SLC16A10: variants seen among roughly 807,000 people sequenced by gnomAD.
The protein encoded by SLC16A10 is solute carrier family 16 member 10.
SLC16A10 carries 27 observed loss-of-function variants against 40.0 expected under a neutral mutation model. That is an observed-to-expected ratio of 0.67 (90% CI 0.50 to 0.93). SLC16A10 has a LOEUF of 0.93. Among genes scored for constraint, SLC16A10 ranks in the 40% least tolerant of loss-of-function variants. SLC16A10 has a pLI of 0.00. For missense variants in SLC16A10, 529 were observed against 658.2 expected (o/e 0.80, Z 2.15); for synonymous variants, 213 against 249.8 (o/e 0.85, Z 1.39).
At chr6:111,137,783 A>C (rs901018426) in intron 1 of SLC16A10, among the ~76,000 whole-genome samples, 1 of 152,206 alleles carries the variant, frequency 6.6e-6, no homozygotes, top group Non-Finnish European at 1.5e-5. Flanking sequence ...TAGGCCGACT[A>C]AGAATCCCTA....
intron 3 of SLC16A10, among the ~76,000 whole-genome samples, chr6:111,199,433 T>C (rs1773131537): frequency 6.7e-6 from 1 of 149,068 alleles, no homozygotes; most frequent in African/African-American, 2.5e-5. Context: ...CATTCCAGCC[T>C]GGGTGACAAG....
intron 1 of SLC16A10, among the ~76,000 whole-genome samples, chr6:111,156,928 T>C (rs9400470): frequency 0.49 from 74,120 of 152,058 alleles, 18,977 homozygotes; most frequent in East Asian, 0.69. Context: ...TTTTATTTTA[T>C]TTTATTTTGA....
At chr6:111,139,002 C>T (rs887901610) in intron 1 of SLC16A10, among the ~76,000 whole-genome samples, 7 of 151,950 alleles carry the variant, frequency 4.6e-5, no homozygotes, top group African/African-American at 1.7e-4. Flanking sequence ...TTATGGTGTC[C>T]ATCAGGCTCA....
intron 1 of SLC16A10, among the ~76,000 whole-genome samples, chr6:111,161,164 A>C (rs1409352668): frequency 1.5e-5 from 2 of 132,790 alleles, no homozygotes; most frequent in Non-Finnish European, 3.1e-5. Context: ...CAGAGGTTGC[A>C]GTGAGCCAAG....
chr6:111,088,181 C>T (rs1770905406), intron 1 of SLC16A10, 86 bp downstream of exon 1: 2 of 1,369,044 alleles, frequency 1.5e-6, no homozygotes, highest in East Asian at 2.6e-5. Context: ...TGTCTGCCTC[C>T]GAGTGTGCAT....
chr6:111,167,651 G>GTT (rs141072786), intron 1 of SLC16A10, among the ~76,000 whole-genome samples: 6,611 of 148,722 alleles, frequency 0.044, 338 homozygotes, highest in African/African-American at 0.13. Context: ...TTTATTGTGT[G>GTT]TGTGTGTATG....
chr6:111,125,854 C>T (rs778652428), intron 1 of SLC16A10, among the ~76,000 whole-genome samples: 22 of 152,108 alleles, frequency 1.4e-4, no homozygotes, highest in African/African-American at 4.8e-4. Context: ...AACTGAGGCT[C>T]AGATTGACTA....
At chr6:111,207,036 G>T (rs1773266358) in intron 4 of SLC16A10, among the ~76,000 whole-genome samples, 1 of 152,084 alleles carries the variant, frequency 6.6e-6, no homozygotes, top group East Asian at 1.9e-4. Flanking sequence ...TCTCCATGTT[G>T]GTCAGGCTGG....
At chr6:111,150,377 G>A (rs1373824867) in intron 1 of SLC16A10, among the ~76,000 whole-genome samples, 4 of 152,040 alleles carry the variant, frequency 2.6e-5, no homozygotes, top group South Asian at 4.2e-4. Flanking sequence ...TTCTGTTATG[G>A]CAGCAAAAAA....
chr6:111,148,134 A>C, intron 1 of SLC16A10, among the ~76,000 whole-genome samples: 1 of 152,232 alleles, frequency 6.6e-6, no homozygotes, highest in East Asian at 1.9e-4. Flanking sequence ...ACAGTAGAAC[A>C]GAGTAAAAGA....
intron 1 of SLC16A10, among the ~76,000 whole-genome samples, chr6:111,089,691 G>A (rs1187882226): frequency 1.3e-5 from 2 of 152,102 alleles, no homozygotes; most frequent in Admixed American, 1.3e-4. Flanking sequence ...AACAAAAATA[G>A]TTTGTTGTCT....
At chr6:111,191,988 T>C (rs978959761) in intron 3 of SLC16A10, among the ~76,000 whole-genome samples, 1 of 152,202 alleles carries the variant, frequency 6.6e-6, no homozygotes, top group Non-Finnish European at 1.5e-5. Context: ...CTGATGGTAG[T>C]TCCTTTTGCT....
intron 1 of SLC16A10, among the ~76,000 whole-genome samples, chr6:111,167,556 A>G (rs1246452515): frequency 6.6e-6 from 1 of 151,968 alleles, no homozygotes; most frequent in East Asian, 1.9e-4. Context: ...TTGGGGGGAA[A>G]ATATATATTA....
At chr6:111,167,545 C>T (rs968114197) in intron 1 of SLC16A10, among the ~76,000 whole-genome samples, 1 of 151,856 alleles carries the variant, frequency 6.6e-6, no homozygotes, top group Non-Finnish European at 1.5e-5. Flanking sequence ...AGGAGAGATC[C>T]TTGGGGGGAA....
At chr6:111,159,991 T>G (rs1351188882) in intron 1 of SLC16A10, among the ~76,000 whole-genome samples, 1 of 152,216 alleles carries the variant, frequency 6.6e-6, no homozygotes, top group Non-Finnish European at 1.5e-5. Flanking sequence ...TTTTATTGAG[T>G]TCTGAGAATT....
At chr6:111,126,748 T>C (rs1046121436) in intron 1 of SLC16A10, among the ~76,000 whole-genome samples, 1 of 152,196 alleles carries the variant, frequency 6.6e-6, no homozygotes, top group Non-Finnish European at 1.5e-5. Flanking sequence ...GGAGGTAGTA[T>C]AGCACTGTGG....
At chr6:111,199,826 T>TAA (rs376943651) in intron 3 of SLC16A10, among the ~76,000 whole-genome samples, 66,073 of 124,326 alleles carry the variant, frequency 0.53, 16,657 homozygotes, top group South Asian at 0.66. Flanking sequence ...CCAGGGAAAT[T>TAA]TAAAAAAAAA....
intron 1 of SLC16A10, among the ~76,000 whole-genome samples, chr6:111,118,445 G>C (rs953979820): frequency 1.3e-5 from 2 of 152,120 alleles, no homozygotes; most frequent in Admixed American, 1.3e-4. Context: ...ACTTTGGGAG[G>C]CCGAGGCGGG....
intron 1 of SLC16A10, among the ~76,000 whole-genome samples, chr6:111,102,546 A>G (rs558136630): frequency 6.6e-6 from 1 of 152,290 alleles, no homozygotes; most frequent in South Asian, 2.1e-4. Flanking sequence ...CTTCATTCCC[A>G]TAGGTAATGA....
Sources: allele counts gnomAD v4.1 joint callset (sites outside exome capture counted in the v4.1 genomes callset), GRCh38; gene constraint gnomAD v4.1.1; transcripts MANE v1.5; gene names NCBI Gene and HGNC (gene_info 2026-07-23, HGNC 2026-07-21).